CUL3: variants seen among roughly 807,000 people sequenced by gnomAD.
The protein encoded by CUL3 is cullin-3.
In CUL3, 19 loss-of-function variants were observed where a neutral mutation model predicts 89.1. The observed-to-expected ratio is 0.21, with a 90% CI of 0.15 to 0.31. CUL3 has a LOEUF of 0.31. Ranked by LOEUF, CUL3 falls within the 10% of genes least tolerant of loss-of-function variation. CUL3 has a pLI of 1.00. For missense variants in CUL3, 469 were observed against 942.3 expected (o/e 0.50, Z 6.58); for synonymous variants, 351 against 308.4 (o/e 1.14, Z -1.45).
At chr2:224,507,505 T>C (rs1692645515) in intron 6 of CUL3, among the ~76,000 whole-genome samples, 3 of 152,134 alleles carry the variant, frequency 2.0e-5, no homozygotes, top group Non-Finnish European at 4.4e-5. Context: ...CTGATAATCA[T>C]GAAAACAAAT....
rs576418306 is a variant in CUL3 at position 224,518,112 on chromosome 2, G to A, written c.379-3340C>T. ...AACAGTAGTGAGAGAACCTTTTATC[G>A]GGATTTGCAGCTAGAATAGAAAGTA... On this transcript the variant is annotated intron_variant, in intron 3 of 15. Coordinates refer to ENST00000264414, the MANE Select transcript of CUL3 (RefSeq NM_003590.5). Among the ~76,000 whole-genome samples the A allele has an allele frequency of 3.2e-4, 48 of 152,188 alleles. 1 individual carries two copies. Among genetic ancestry groups the A allele is most frequent in the Admixed American group, 3.9e-4 (6 of 15,282 alleles).
chr2:224,514,099 TAAG>T (rs1173477038), intron 4 of CUL3, among the ~76,000 whole-genome samples: 2 of 151,964 alleles, frequency 1.3e-5, no homozygotes, highest in African/African-American at 2.4e-5. Flanking sequence ...TGAAAACAGA[TAAG>T]GAGAGAAAAA....
chr2:224,505,184 C>G (rs1007913868), intron 8 of CUL3, among the ~76,000 whole-genome samples: 19 of 150,126 alleles, frequency 1.3e-4, no homozygotes, highest in African/African-American at 4.7e-4. Context: ...GTTGCCCCAG[C>G]TGGAGTGCAG....
At chr2:224,484,175 T>G (rs1227932167) in intron 13 of CUL3, among the ~76,000 whole-genome samples, 1 of 152,032 alleles carries the variant, frequency 6.6e-6, no homozygotes, top group Non-Finnish European at 1.5e-5. Flanking sequence ...TCTCAAAATT[T>G]TTTTTTTTTA....
intron 1 of CUL3, among the ~76,000 whole-genome samples, chr2:224,572,944 C>T (rs72974242): frequency 0.2 from 30,893 of 152,052 alleles, 3,419 homozygotes; most frequent in African/African-American, 0.24. Context: ...TTATAAATTA[C>T]TCAGTCTGCA....
Position 224,511,317 on chromosome 2 carries a change from G to A in CUL3, c.883+37C>T, listed in dbSNP as rs11686067. 217,930 of 1,419,382 alleles carry A rather than the reference G, an allele frequency of 0.15. 18,901 individuals are homozygous for A. Among genetic ancestry groups the A allele is most frequent in the East Asian group, 0.29 (12,204 of 42,384 alleles). 87.9% of individuals were successfully genotyped at this position (1,419,382 alleles called of 1,614,324 possible). Reference sequence around the variant, plus strand: ...ATTTTAAAAATATCGATAAGGCAGAGTAAGGATTTAATTATTTTTCAATCG... The same window carrying A: ...ATTTTAAAAATATCGATAAGGCAGAATAAGGATTTAATTATTTTTCAATCG... On this transcript the variant is annotated intron_variant, in intron 6 of 15. Coordinates refer to ENST00000264414, the MANE Select transcript of CUL3 (RefSeq NM_003590.5).
At chr2:224,482,507 A>G (rs1472816248) in intron 13 of CUL3, among the ~76,000 whole-genome samples, 1 of 152,138 alleles carries the variant, frequency 6.6e-6, no homozygotes, top group Non-Finnish European at 1.5e-5. Context: ...AAGGAAGGTA[A>G]GCCTGAGCTC....
At chr2:224,545,261 T>C (rs1694252491) in intron 2 of CUL3, among the ~76,000 whole-genome samples, 1 of 152,132 alleles carries the variant, frequency 6.6e-6, no homozygotes, top group Non-Finnish European at 1.5e-5. Flanking sequence ...GTAGACTGTG[T>C]TATTCTCATT....
intron 5 of CUL3, among the ~76,000 whole-genome samples, chr2:224,512,078 T>C (rs1692846383): frequency 6.6e-6 from 1 of 151,700 alleles, no homozygotes; most frequent in Non-Finnish European, 1.5e-5. Flanking sequence ...TAAGAGCTTT[T>C]AAATAACTAT....
Position 224,514,598 on chromosome 2 carries a change from G to A in CUL3, c.539+14C>T. On this transcript the variant is annotated intron_variant, in intron 4 of 15. Transcript: ENST00000264414. The stretch of plus-strand genomic sequence containing the variant: ...CTAAAACCAAAACCACAAGAGTAAA[G>A]AGAGAAATTTTACCTGTCTACGACT... 6.3e-7 allele frequency: 1 copy of A among 1,597,196 alleles called. No homozygotes were observed. The highest frequency in any genetic ancestry group is 2.2e-5 in the East Asian group (1 of 44,712).
rs201400836 is a variant in CUL3, at chr2:224,535,626, G to A, written c.280C>T (p.Leu94=). 32 of 1,612,658 alleles carry A rather than the reference G, an allele frequency of 2.0e-5. No individual in the cohort carries two copies. Among genetic ancestry groups the A allele is most frequent in the Admixed American group, 3.3e-5 (2 of 59,978 alleles). The stretch of plus-strand genomic sequence containing the variant: ...AGAAAGTTGTTATTCAATGAATTTA[G>A]TACATCTTCTCGCACCTAGTAACAG... The part of the protein sequence containing the change: ...HLINKVREDV[L]NSLNNNFLQT... The change falls in exon 3 of 16, where the codon CTA becomes TTA. Residue 94 remains leucine (L), a synonymous_variant. Transcript: ENST00000264414.
In CUL3 at chr2:224,485,242, T is replaced by G. The variant is rs1189423679; in HGVS notation, c.1843-3164A>C. ...GTAGGAGTTTTTTTTCATATCCCAG[T>G]GGCAGCCGGAACCCCAGCGAGAGAG... On this transcript the variant is annotated intron_variant, in intron 13 of 15. Transcript: ENST00000264414. This position sits in a 1 kb window ranked among gnomAD's most constrained non-coding sequence, Gnocchi z 4.1. 2 of 152,188 alleles carry G rather than the reference T, an allele frequency of 1.3e-5. No homozygotes were observed. The highest frequency in any genetic ancestry group is 2.4e-5 in the African/African-American group (1 of 41,336). 9.4% of individuals were successfully genotyped at this position (152,188 alleles called of 1,614,324 possible). A position where few individuals can be genotyped will look rare whatever the true frequency, so the allele number is the denominator to read the frequency against.
chr2:224,547,613 C>A (rs1278381144), intron 2 of CUL3, among the ~76,000 whole-genome samples: 3 of 152,024 alleles, frequency 2.0e-5, no homozygotes, highest in African/African-American at 7.2e-5. Context: ...GTGGCTGAAA[C>A]ATAGGAGAAA....
chr2:224,507,130 T>A, intron 6 of CUL3, 127 bp from the exon 7 acceptor site: 1 of 667,898 alleles, frequency 1.5e-6, no homozygotes. Context: ...CACATGACTA[T>A]TAAAAATATA....
At chr2:224,539,214 A>G (rs1044434257) in intron 2 of CUL3, among the ~76,000 whole-genome samples, 6 of 152,234 alleles carry the variant, frequency 3.9e-5, no homozygotes, top group African/African-American at 1.2e-4. Flanking sequence ...GCATTTGAGG[A>G]GATCATAGGT....
At position 224,474,120 on chromosome 2, in the gene CUL3, T is replaced by C; in HGVS notation, c.*125A>G. ...AAAGGGAGTAAAGGCTTGATCTCAA[T>C]GGTCTAGAACATGTACTGTAATTTA... On this transcript the variant is annotated 3_prime_UTR_variant, in exon 16 of 16. Coordinates refer to ENST00000264414, the MANE Select transcript of CUL3 (RefSeq NM_003590.5). 1.0e-6 allele frequency: 1 copy of C among 964,878 alleles called. No homozygotes were observed. The highest frequency in any genetic ancestry group is 1.6e-5 in the African/African-American group (1 of 60,830). 59.8% of individuals were successfully genotyped at this position (964,878 alleles called of 1,614,324 possible). A position where few individuals can be genotyped will look rare whatever the true frequency, so the allele number is the denominator to read the frequency against.
rs1691157376 is a variant in CUL3 at position 224,472,279 on chromosome 2, TA to T, written c.*1965del. 1 of 217,116 alleles carries T rather than the reference TA, an allele frequency of 4.6e-6. No homozygotes were observed. Among genetic ancestry groups the T allele is most frequent in the Non-Finnish European group, 9.3e-6 (1 of 107,972 alleles). 13.4% of individuals were successfully genotyped at this position (217,116 alleles called of 1,614,324 possible). On this transcript the variant is annotated 3_prime_UTR_variant, in exon 16 of 16. Coordinates refer to ENST00000264414, the MANE Select transcript of CUL3 (RefSeq NM_003590.5). ...AACTTAAACTTTACTTTTAATGGCT[TA>T]AACTAGCACTAAAATGTTTAATGTC... is the stretch of plus-strand genomic sequence containing the variant.
intron 2 of CUL3, among the ~76,000 whole-genome samples, chr2:224,551,313 C>T (rs561110661): frequency 3.3e-5 from 5 of 151,334 alleles, no homozygotes; most frequent in African/African-American, 1.2e-4. Context: ...TCACACCATT[C>T]TCCTGCCTCA....
chr2:224,480,710 C>G (rs776470855), intron 14 of CUL3, among the ~76,000 whole-genome samples: 10 of 152,212 alleles, frequency 6.6e-5, no homozygotes, highest in Non-Finnish European at 1.2e-4. Flanking sequence ...AATATTCCCA[C>G]ATATTTTCCT....
Sources: gnomAD v4.1 joint callset for allele counts (sites outside exome capture counted in the v4.1 genomes callset) on GRCh38, gnomAD v4.1.1 for gene constraint, Gnocchi (gnomAD v3.1) non-coding constraint, MANE v1.5 for transcripts, NCBI Gene and HGNC (gene_info 2026-07-23, HGNC 2026-07-21) for gene names.